FBXL7: variants seen among roughly 807,000 people sequenced by gnomAD.
The protein encoded by FBXL7 is F-box/LRR-repeat protein 7.
In FBXL7, 12 loss-of-function variants were observed where a neutral mutation model predicts 38.3. The observed-to-expected ratio is 0.31, with a 90% CI of 0.20 to 0.51. The LOEUF is 0.51. FBXL7 is among the 20% of genes least tolerant of loss of function. FBXL7 has a pLI of 0.98. For synonymous variants in FBXL7, 297 were observed against 300.9 expected (o/e 0.99, Z 0.13); for missense variants, 567 against 676.4 (o/e 0.84, Z 1.79).
chr5:15,657,136 A>G (rs1209429150), intron 2 of FBXL7, among the ~76,000 whole-genome samples: 1 of 152,214 alleles, frequency 6.6e-6, no homozygotes, highest in Non-Finnish European at 1.5e-5. Flanking sequence ...TTAATGTTAT[A>G]AAAATGTCAC....
chr5:15,871,658 A>G (rs1033381749), intron 2 of FBXL7, among the ~76,000 whole-genome samples: 3 of 152,198 alleles, frequency 2.0e-5, no homozygotes, highest in South Asian at 4.1e-4. Flanking sequence ...TGGAGCATAC[A>G]CAAGTATCAA....
Position 15,886,279 on chromosome 5 carries a change from G to A in FBXL7, c.128-41611G>A, listed in dbSNP as rs142201815. On this transcript the variant is annotated intron_variant, in intron 2 of 3. Coordinates refer to ENST00000504595, the MANE Select transcript of FBXL7 (RefSeq NM_012304.5). ...TGTGTGTGTGCATGAATGCATGTGT[G>A]TGTGTCTGTGTGTATGCATGTGTGT... Among the ~76,000 whole-genome samples, 294 of 152,170 alleles carry A rather than the reference G, an allele frequency of 1.9e-3. 1 individual carries two copies. Among genetic ancestry groups the A allele is most frequent in the African/African-American group, 6.6e-3 (276 of 41,534 alleles).
Position 15,830,002 on chromosome 5 carries a change from A to C in FBXL7, c.128-97888A>C, listed in dbSNP as rs191290772. On this transcript the variant is annotated intron_variant, in intron 2 of 3. Coordinates refer to ENST00000504595, the MANE Select transcript of FBXL7 (RefSeq NM_012304.5). ...CCAGAGAATTACATGTTGTGATGAC[A>C]AATGAGCAAAGAAAAACTCATTTAG... is the stretch of plus-strand genomic sequence containing the variant. 2.4e-3 allele frequency among the ~76,000 whole-genome samples: 361 copies of C among 152,304 alleles called. 2 individuals are homozygous for C. The highest frequency in any genetic ancestry group is 4.1e-3 in the Non-Finnish European group (280 of 68,024).
intron 2 of FBXL7, among the ~76,000 whole-genome samples, chr5:15,749,135 C>T (rs1170136453): frequency 1.3e-5 from 2 of 149,094 alleles, no homozygotes; most frequent in Non-Finnish European, 3.0e-5. Context: ...GTCCCAGCTA[C>T]TTGGGAGGCT....
intron 1 of FBXL7, among the ~76,000 whole-genome samples, chr5:15,604,547 G>T: frequency 6.6e-6 from 1 of 152,090 alleles, no homozygotes; most frequent in East Asian, 1.9e-4. Flanking sequence ...TACAGACAGG[G>T]TTTCGCCATG....
chr5:15,642,725 C>T (rs969505334), intron 2 of FBXL7, among the ~76,000 whole-genome samples: 11 of 152,078 alleles, frequency 7.2e-5, no homozygotes, highest in South Asian at 2.1e-4. Flanking sequence ...GATAGGCCAA[C>T]GGGGAAGCAG....
intron 2 of FBXL7, among the ~76,000 whole-genome samples, chr5:15,806,405 T>A (rs1326466231): frequency 6.6e-6 from 1 of 151,892 alleles, no homozygotes; most frequent in Admixed American, 6.6e-5. Context: ...AAAAACAAAA[T>A]AAATCTCTCC....
intron 2 of FBXL7, among the ~76,000 whole-genome samples, chr5:15,738,043 C>G (rs892808688): frequency 3.9e-5 from 6 of 152,112 alleles, no homozygotes; most frequent in Non-Finnish European, 7.4e-5. Flanking sequence ...AAATCTGCTC[C>G]CAGGACTGGT....
intron 1 of FBXL7, among the ~76,000 whole-genome samples, chr5:15,547,751 G>A (rs1737955852): frequency 6.6e-6 from 1 of 152,178 alleles, no homozygotes; most frequent in Non-Finnish European, 1.5e-5. Flanking sequence ...GAAAGAGTCC[G>A]GGATATTCTG....
intron 1 of FBXL7, among the ~76,000 whole-genome samples, chr5:15,602,957 C>T (rs1381798110): frequency 2.0e-5 from 3 of 152,112 alleles, no homozygotes; most frequent in Non-Finnish European, 4.4e-5. Context: ...CCTCAACCTC[C>T]CAACTAGCTA....
chr5:15,906,513 A>AAT (rs1561184217), intron 2 of FBXL7, among the ~76,000 whole-genome samples: 2 of 134,408 alleles, frequency 1.5e-5, no homozygotes, highest in Non-Finnish European at 3.0e-5. Flanking sequence ...TCCACAAAAA[A>AAT]TTTTTTTTTT....
At chr5:15,538,364 C>T (rs372167946) in intron 1 of FBXL7, among the ~76,000 whole-genome samples, 9 of 152,304 alleles carry the variant, frequency 5.9e-5, no homozygotes, top group African/African-American at 2.2e-4. Context: ...CATCTGCTAA[C>T]AGTGAGTAGA....
intron 2 of FBXL7, among the ~76,000 whole-genome samples, chr5:15,856,534 A>G (rs191942069): frequency 1.3e-5 from 2 of 151,996 alleles, no homozygotes; most frequent in African/African-American, 4.8e-5. Context: ...CTGCACATGT[A>G]CCCCCAAACT....
intron 2 of FBXL7, among the ~76,000 whole-genome samples, chr5:15,883,916 A>T (rs1017988538): frequency 6.6e-6 from 1 of 152,228 alleles, no homozygotes; most frequent in African/African-American, 2.4e-5. Flanking sequence ...GAAAGTTTTA[A>T]TCTTTCCTCC....
At chr5:15,594,692 G>A (rs1166209052) in intron 1 of FBXL7, among the ~76,000 whole-genome samples, 5 of 152,212 alleles carry the variant, frequency 3.3e-5, no homozygotes, top group South Asian at 2.1e-4. Context: ...GAAATGTTCC[G>A]GGAATCAGGT....
chr5:15,795,206 T>C (rs1737383859), intron 2 of FBXL7, among the ~76,000 whole-genome samples: 1 of 152,218 alleles, frequency 6.6e-6, no homozygotes, highest in Non-Finnish European at 1.5e-5. Context: ...AGAGAATTCA[T>C]GGCTCTTACT....
intron 2 of FBXL7, among the ~76,000 whole-genome samples, chr5:15,709,679 C>T (rs1377301784): frequency 2.0e-5 from 3 of 151,990 alleles, no homozygotes; most frequent in African/African-American, 7.3e-5. Context: ...AACCTTCTGT[C>T]TTAGTTTGTT....
chr5:15,682,450 T>C (rs531251771), intron 2 of FBXL7, among the ~76,000 whole-genome samples: 1 of 152,172 alleles, frequency 6.6e-6, no homozygotes, highest in Non-Finnish European at 1.5e-5. Context: ...CATAACATCT[T>C]ACAGAGACAA....
At chr5:15,736,433 A>G (rs1410924928) in intron 2 of FBXL7, among the ~76,000 whole-genome samples, 1 of 152,234 alleles carries the variant, frequency 6.6e-6, no homozygotes, top group African/African-American at 2.4e-5. Context: ...TTAAGTTCTC[A>G]TAAATATTAC....
Sources: gnomAD v4.1 joint callset for allele counts (sites outside exome capture counted in the v4.1 genomes callset) on GRCh38, gnomAD v4.1.1 for gene constraint, MANE v1.5 for transcripts, NCBI Gene and HGNC (gene_info 2026-07-23, HGNC 2026-07-21) for gene names.